Variants in CDK19 observed in about 807,000 individuals in gnomAD.
The protein encoded by CDK19 is cyclin-dependent kinase 19.
In CDK19, 20 loss-of-function variants were observed where a neutral mutation model predicts 68.3. The ratio of observed to expected loss-of-function variants is 0.29; its 90% CI spans 0.21 to 0.43. CDK19 has a LOEUF of 0.43. Among genes scored for constraint, CDK19 ranks in the 20% least tolerant of loss-of-function variants. The pLI is 1.00. For synonymous variants in CDK19, 221 were observed against 222.8 expected, an observed-to-expected ratio of 0.99 and a Z score of 0.07; for missense variants, 339 against 623.5, an observed-to-expected ratio of 0.54 and a Z score of 4.86.
In CDK19 at chr6:110,781,475, G is replaced by A. The variant is rs1302689161; in HGVS notation, c.128+33534C>T. 2.0e-5 allele frequency among the ~76,000 whole-genome samples: 3 copies of A among 152,086 alleles called. 1 individual carries two copies. The highest frequency in any genetic ancestry group is 2.9e-5 in the Non-Finnish European group (2 of 68,022). ...AATTTCCAACCTGAGATTTGGAGGG[G>A]ACAAATATCCAAACTATATCAGACA... On this transcript the variant is annotated intron_variant, in intron 1 of 12. Coordinates refer to ENST00000368911, the MANE Select transcript of CDK19 (RefSeq NM_015076.5).
At position 110,649,856 on chromosome 6, in the gene CDK19, G is replaced by C. The variant is rs1299239516; in HGVS notation, c.457-11150C>G. Among the ~76,000 whole-genome samples the C allele has an allele frequency of 3.3e-5, 5 of 152,158 alleles. No individual in the cohort carries two copies. In the East Asian group the frequency reaches 9.6e-4, roughly 29 times the overall value. ...GAACTACTGAATAGGAAGTAGGTCA[G>C]TCAGAATTCCAGTACATAGCTGGTG... On this transcript the variant is annotated intron_variant, in intron 4 of 12. Coordinates refer to ENST00000368911, the MANE Select transcript of CDK19 (RefSeq NM_015076.5).
At chr6:110,737,437 T>C (rs1421074595) in intron 2 of CDK19, among the ~76,000 whole-genome samples, 1 of 152,152 alleles carries the variant, frequency 6.6e-6, no homozygotes, top group Non-Finnish European at 1.5e-5. Flanking sequence ...AGTCTTCTCA[T>C]AGGAAACATA....
At chr6:110,646,529 C>T in intron 4 of CDK19, 4 of 1,267,354 alleles carry the variant, frequency 3.2e-6, no homozygotes, top group Non-Finnish European at 4.2e-6. Context: ...CGTGCGCCTC[C>T]ACCTGCAACA....
At position 110,612,752 on chromosome 6, in the gene CDK19, A is replaced by G. The variant is rs180946367; in HGVS notation, c.*1783T>C. On this transcript the variant is annotated 3_prime_UTR_variant, in exon 13 of 13. Transcript: ENST00000368911. ...GTAAAACAGCAGGAGACTATCAGAA[A>G]CTCCTTCCAATGGAGCACGTAACCT... The G allele has an allele frequency of 7.2e-5, 11 of 152,538 alleles. No individual in the cohort carries two copies. Among genetic ancestry groups the G allele is most frequent in the Admixed American group, 5.9e-4 (9 of 15,278 alleles). The allele number at this position is 152,538 out of a possible 1,614,324, so 9.4% of individuals were successfully genotyped here. A position where few individuals can be genotyped will look rare whatever the true frequency, so the allele number is the denominator to read the frequency against.
chr6:110,754,316 A>C (rs1778685189), intron 1 of CDK19, among the ~76,000 whole-genome samples: 1 of 152,078 alleles, frequency 6.6e-6, no homozygotes, highest in South Asian at 2.1e-4. Flanking sequence ...TACAGGCCTG[A>C]GACATCGCAC....
At chr6:110,728,369 C>T (rs529786386) in intron 2 of CDK19, among the ~76,000 whole-genome samples, 8 of 151,842 alleles carry the variant, frequency 5.3e-5, no homozygotes, top group African/African-American at 1.2e-4. Context: ...CCAGAAAAAA[C>T]GGAAATCTTT....
chr6:110,687,425 C>A (rs1772588665), intron 2 of CDK19, among the ~76,000 whole-genome samples: 1 of 152,140 alleles, frequency 6.6e-6, no homozygotes. Flanking sequence ...GACAAATTAT[C>A]CATTTGTAGT....
intron 1 of CDK19, among the ~76,000 whole-genome samples, chr6:110,808,675 A>T (rs2115147341): frequency 6.6e-6 from 1 of 152,328 alleles, no homozygotes; most frequent in East Asian, 1.9e-4. Flanking sequence ...ACATAAACAG[A>T]TGTCTACTTC....
At chr6:110,809,652 A>G (rs1004668966) in intron 1 of CDK19, among the ~76,000 whole-genome samples, 1 of 152,248 alleles carries the variant, frequency 6.6e-6, no homozygotes. Flanking sequence ...TTTCAAAGCA[A>G]TTACTAAAAA....
intron 1 of CDK19, among the ~76,000 whole-genome samples, chr6:110,760,312 A>G (rs1198738542): frequency 7.0e-6 from 1 of 142,568 alleles, no homozygotes; most frequent in African/African-American, 2.6e-5. Flanking sequence ...CACAAGAATC[A>G]CTTGAACTTG....
At chr6:110,631,474 G>GT (rs1433357026) in intron 6 of CDK19, among the ~76,000 whole-genome samples, 1 of 152,148 alleles carries the variant, frequency 6.6e-6, no homozygotes, top group South Asian at 2.1e-4. Flanking sequence ...TTCTTACTCA[G>GT]TTTTTTTAAC....
chr6:110,811,446 G>A (rs1783091088), intron 1 of CDK19, among the ~76,000 whole-genome samples: 1 of 152,168 alleles, frequency 6.6e-6, no homozygotes, highest in East Asian at 1.9e-4. Flanking sequence ...AAGAGACGGG[G>A]TTTCGTCTTG....
chr6:110,759,341 C>T (rs1266153568), intron 1 of CDK19, among the ~76,000 whole-genome samples: 2 of 137,164 alleles, frequency 1.5e-5, no homozygotes, highest in African/African-American at 2.8e-5. Flanking sequence ...GGAGGTGGAG[C>T]GTGCAGTGAG....
chr6:110,738,533 TAAAC>T (rs1462283140), intron 2 of CDK19, among the ~76,000 whole-genome samples: 3 of 151,626 alleles, frequency 2.0e-5, no homozygotes, highest in Non-Finnish European at 4.4e-5. Flanking sequence ...AATAAATAAA[TAAAC>T]AACCAAACAA....
chr6:110,728,499 G>C (rs1166918911), intron 2 of CDK19, among the ~76,000 whole-genome samples: 1 of 151,422 alleles, frequency 6.6e-6, no homozygotes, highest in Non-Finnish European at 1.5e-5. Context: ...TTGCTGCAGA[G>C]GTTTTCTAAC....
rs780680104 is a variant in CDK19, at chr6:110,815,161, G to C, written c.-25C>G. On this transcript the variant is annotated 5_prime_UTR_variant, in exon 1 of 13. Coordinates refer to ENST00000368911, the MANE Select transcript of CDK19 (RefSeq NM_015076.5). ...TTGTCTGCTTCCCCCATAGAGGCACGGGACGCGGGGGCCGCCGCCGCTCAG... is the reference window on the plus strand; with the variant it reads ...TTGTCTGCTTCCCCCATAGAGGCACCGGACGCGGGGGCCGCCGCCGCTCAG... 13 of 1,564,246 alleles carry C rather than the reference G, an allele frequency of 8.3e-6. No individual in the cohort carries two copies. Among genetic ancestry groups the C allele is most frequent in the Admixed American group, 3.7e-5 (2 of 54,214 alleles).
At chr6:110,734,520 G>GCTCGCTCGCTCTCTCTCTCTCT (rs991736850) in intron 2 of CDK19, among the ~76,000 whole-genome samples, 1 of 85,734 alleles carries the variant, frequency 1.2e-5, no homozygotes, top group Non-Finnish European at 2.3e-5. Context: ...GGTGAGCACT[G>GCTCGCTCGCTCTCTCTCTCTCT]CTCTCTCTCT....
intron 1 of CDK19, among the ~76,000 whole-genome samples, chr6:110,799,791 C>T (rs1443430813): frequency 6.6e-5 from 10 of 152,044 alleles, no homozygotes; most frequent in Admixed American, 5.9e-4. Flanking sequence ...TTTGTAGAGA[C>T]GAAGTCTCAC....
At chr6:110,664,025 T>C (rs1781770379) in intron 4 of CDK19, among the ~76,000 whole-genome samples, 1 of 152,110 alleles carries the variant, frequency 6.6e-6, no homozygotes, top group Non-Finnish European at 1.5e-5. Flanking sequence ...AAAAAATCAT[T>C]CTGTTGCTCA....
Sources: gnomAD v4.1 joint callset for allele counts (sites outside exome capture counted in the v4.1 genomes callset) on GRCh38, gnomAD v4.1.1 for gene constraint, MANE v1.5 for transcripts, NCBI Gene and HGNC (gene_info 2026-07-23, HGNC 2026-07-21) for gene names.